ZNF507: variants seen among roughly 807,000 people sequenced by gnomAD.
The protein encoded by ZNF507 is zinc finger protein 507.
ZNF507 carries 29 observed loss-of-function variants against 80.0 expected under a neutral mutation model. The ratio of observed to expected loss-of-function variants is 0.36; its 90% CI spans 0.27 to 0.49. The LOEUF (loss-of-function observed/expected upper bound fraction) is 0.49, where lower values mean the gene tolerates loss of function less well. Ranked by LOEUF, ZNF507 falls within the 20% of genes least tolerant of loss-of-function variation. The pLI, the probability that ZNF507 is intolerant of heterozygous loss-of-function variation, is 0.98. For synonymous variants in ZNF507, 462 were observed against 422.5 expected (o/e 1.09, Z -1.15); for missense variants, 1,081 against 1,152.2 (o/e 0.94, Z 0.90).
chr19:32,382,619 C>T lies in ZNF507; in HGVS notation c.2495+18C>T. On this transcript the variant is annotated intron_variant, in intron 6 of 6. Coordinates refer to ENST00000355898, the MANE Select transcript of ZNF507 (RefSeq NM_001136156.2). ...AGTGGCAGGTATTTCATCCTACCCC[C>T]TCCCTTTATTGCTATATGTAAATTA... 11 of 1,613,962 alleles carry T rather than the reference C, an allele frequency of 6.8e-6. No individual in the cohort carries two copies. The highest frequency in any genetic ancestry group is 9.3e-6 in the Non-Finnish European group (11 of 1,179,920).
intron 5 of ZNF507, among the ~76,000 whole-genome samples, chr19:32,361,734 CCTTTCCTTT>C (rs1407460025): frequency 7.4e-6 from 1 of 134,674 alleles, no homozygotes; most frequent in East Asian, 2.4e-4. Flanking sequence ...TCCTTTCCTT[CCTTTCCTTT>C]CCTTCCTTTC....
rs1433193157 is a variant in ZNF507 at position 32,353,384 on chromosome 19, A to G, written c.554A>G (p.His185Arg). 2 of 1,614,238 alleles carry G rather than the reference A, an allele frequency of 1.2e-6. No homozygotes were observed. The highest frequency in any genetic ancestry group is 1.7e-6 in the Non-Finnish European group (2 of 1,180,044). Reference protein sequence around the residue: ...VNDHDNDANIHTQSKAQQCVS... With the variant: ...VNDHDNDANIRTQSKAQQCVS... ...GACCATGACAATGATGCCAATATCC[A>G]CACCCAATCCAAAGCCCAACAGTGC... The change falls in exon 3 of 7, where the codon CAC (histidine) becomes CGC (arginine). Residue 185 changes from histidine (H) to arginine (R), a missense_variant. His to Arg is a conservative substitution (Grantham distance 29, BLOSUM62 0). Around this residue, in one of 6 missense-constraint regions of ZNF507, gnomAD observed 275 missense variants for 303.9 expected, o/e 0.90. Coordinates refer to ENST00000355898, the MANE Select transcript of ZNF507 (RefSeq NM_001136156.2).
At chr19:32,369,598 C>T (rs1967442649) in intron 5 of ZNF507, among the ~76,000 whole-genome samples, 1 of 152,054 alleles carries the variant, frequency 6.6e-6, no homozygotes, top group African/African-American at 2.4e-5. Flanking sequence ...ATTTGTTAGA[C>T]ATAGCCTCTG....
At chr19:32,361,159 T>G (rs556126791) in intron 5 of ZNF507, among the ~76,000 whole-genome samples, 1 of 152,314 alleles carries the variant, frequency 6.6e-6, no homozygotes, top group South Asian at 2.1e-4. Flanking sequence ...TCCTTAAAAC[T>G]TAAAGGCAAT....
intron 5 of ZNF507, among the ~76,000 whole-genome samples, chr19:32,375,288 G>C (rs1465755905): frequency 6.6e-6 from 1 of 152,146 alleles, no homozygotes; most frequent in Non-Finnish European, 1.5e-5. Context: ...TGGACAACCT[G>C]CAGTGCCCCA....
intron 2 of ZNF507, among the ~76,000 whole-genome samples, chr19:32,349,424 T>C (rs1967134952): frequency 6.6e-6 from 1 of 152,250 alleles, no homozygotes; most frequent in South Asian, 2.1e-4. Context: ...CTTACCTTGC[T>C]AGCCCAAAAG....
chr19:32,371,975 A>G (rs1351573879), intron 5 of ZNF507, among the ~76,000 whole-genome samples: 2 of 152,166 alleles, frequency 1.3e-5, no homozygotes, highest in Admixed American at 1.3e-4. Flanking sequence ...TGCGGGGGAA[A>G]TGAACTCTAT....
chr19:32,372,712 C>T (rs1967490803), intron 5 of ZNF507, among the ~76,000 whole-genome samples: 1 of 151,570 alleles, frequency 6.6e-6, no homozygotes, highest in Non-Finnish European at 1.5e-5. Context: ...AGCAGGAACT[C>T]ACCCACCACC....
At chr19:32,361,995 G>T (rs190543447) in intron 5 of ZNF507, among the ~76,000 whole-genome samples, 1 of 146,706 alleles carries the variant, frequency 6.8e-6, no homozygotes, top group Non-Finnish European at 1.5e-5. Flanking sequence ...CTCACCTCAC[G>T]GCAACCTCCG....
At chr19:32,361,770 C>T (rs1342537801) in intron 5 of ZNF507, among the ~76,000 whole-genome samples, 1 of 143,966 alleles carries the variant, frequency 6.9e-6, no homozygotes. Context: ...TTCCCTCCCT[C>T]CCTCTCTCCC....
intron 5 of ZNF507, among the ~76,000 whole-genome samples, chr19:32,380,166 A>G (rs1323616251): frequency 6.6e-6 from 1 of 152,118 alleles, no homozygotes; most frequent in Admixed American, 6.5e-5. Context: ...ATCTTTTCAT[A>G]TAGTTGAATT....
chr19:32,363,456 C>A (rs1039421568), intron 5 of ZNF507, among the ~76,000 whole-genome samples: 2 of 152,150 alleles, frequency 1.3e-5, no homozygotes, highest in African/African-American at 2.4e-5. Context: ...CCTTCAATGA[C>A]CCCATCCTTG....
At chr19:32,367,145 T>C (rs367721932) in intron 5 of ZNF507, among the ~76,000 whole-genome samples, 1 of 152,308 alleles carries the variant, frequency 6.6e-6, no homozygotes, top group East Asian at 1.9e-4. Flanking sequence ...CGGGAGCAGA[T>C]ATGTCACATT....
chr19:32,359,755 G>C (rs1436031514), intron 4 of ZNF507: 1 of 152,202 alleles, frequency 6.6e-6, no homozygotes, highest in Non-Finnish European at 1.5e-5. Flanking sequence ...CCTGTAACCT[G>C]TCAGTTAACT....
intron 5 of ZNF507, among the ~76,000 whole-genome samples, chr19:32,377,119 T>TGA (rs1368659698): frequency 5.3e-4 from 80 of 152,220 alleles, no homozygotes; most frequent in Non-Finnish European, 8.7e-4. Flanking sequence ...GCCTGACTCA[T>TGA]GTCAGGCCCT....
At chr19:32,375,867 G>A (rs1967539863) in intron 5 of ZNF507, among the ~76,000 whole-genome samples, 1 of 152,092 alleles carries the variant, frequency 6.6e-6, no homozygotes, top group African/African-American at 2.4e-5. Flanking sequence ...TCATAATAAT[G>A]AAGCTCCTAA....
At chr19:32,379,737 T>C (rs1047472435) in intron 5 of ZNF507, among the ~76,000 whole-genome samples, 11 of 152,222 alleles carry the variant, frequency 7.2e-5, no homozygotes, top group Non-Finnish European at 1.5e-4. Flanking sequence ...CACTGATCAT[T>C]ATTGGCATTG....
Position 32,352,954 on chromosome 19 carries a change from G to T in ZNF507, c.124G>T (p.Asp42Tyr). The part of the protein sequence containing the change: ...EIDEQRKTKP[D>Y]PLIHVIQKLS... ...TGATGAACAAAGAAAAACTAAACCA[G>T]ATCCATTAATCCATGTTATCCAGAA... Residue 42 changes from aspartate (D) to tyrosine (Y), a missense_variant, in exon 3 of 7, where the codon GAT becomes TAT. Around this residue, in one of 6 missense-constraint regions of ZNF507, gnomAD observed 275 missense variants for 303.9 expected, o/e 0.90. Coordinates refer to ENST00000355898, the MANE Select transcript of ZNF507 (RefSeq NM_001136156.2). The T allele has an allele frequency of 1.2e-6, 2 of 1,614,132 alleles. No homozygotes were observed.
rs373773535 is a variant in ZNF507, at chr19:32,382,579, G to C, written c.2473G>C (p.Asp825His). 1 of 1,614,092 alleles carries C rather than the reference G, an allele frequency of 6.2e-7. No homozygotes were observed. Among genetic ancestry groups the C allele is most frequent in the Non-Finnish European group, 8.5e-7 (1 of 1,180,012 alleles). The change falls in exon 6 of 7, where the codon GAC (aspartate) becomes CAC (histidine). Residue 825 changes from aspartate to histidine, a missense_variant. Physicochemically the swap from Asp to His is moderately conservative, Grantham distance 81 (BLOSUM62 -1). This residue lies in a region of ZNF507 where 138 missense variants were observed against 158.4 expected (regional missense o/e 0.87). Coordinates refer to ENST00000355898, the MANE Select transcript of ZNF507 (RefSeq NM_001136156.2). Reference sequence around the variant, plus strand: ...CGAACAAGTAAACAAGGCTATTAACGACGCGATTTCACAAAGTGGCAGGTA... The same window carrying C: ...CGAACAAGTAAACAAGGCTATTAACCACGCGATTTCACAAAGTGGCAGGTA... Reference protein sequence around the residue: ...NYEQVNKAINDAISQSGRVLG... With the variant: ...NYEQVNKAINHAISQSGRVLG...
Sources: allele counts gnomAD v4.1 joint callset (sites outside exome capture counted in the v4.1 genomes callset), GRCh38; gene constraint gnomAD v4.1.1; regional missense constraint gnomAD v4.1.1; transcripts MANE v1.5; gene names NCBI Gene and HGNC (gene_info 2026-07-23, HGNC 2026-07-21).